Variants in DPF3 observed in about 807,000 individuals in gnomAD.
The protein encoded by DPF3 is double PHD fingers 3.
A neutral mutation model predicts 56.8 loss-of-function variants in DPF3; 18 were observed. That is an observed-to-expected ratio of 0.32 (90% confidence interval 0.22 to 0.47). DPF3 has a LOEUF of 0.47. Ranked by LOEUF, DPF3 falls within the 20% of genes least tolerant of loss-of-function variation. The pLI is 1.00. For missense variants in DPF3, 403 were observed against 488.8 expected, an observed-to-expected ratio of 0.82 and a Z score of 1.65; for synonymous variants, 188 against 180.2, an observed-to-expected ratio of 1.04 and a Z score of -0.35.
Position 72,609,599 on chromosome 14 carries a change from G to A in DPF3, c.*9698C>T, listed in dbSNP as rs1220737349. Among the ~76,000 whole-genome samples, 1 of 152,188 alleles carries A rather than the reference G, an allele frequency of 6.6e-6. No individual in the cohort carries two copies. Among genetic ancestry groups the A allele is most frequent in the African/African-American group, 2.4e-5 (1 of 41,434 alleles). ...TTCACGTTAGGAACCACGAAAGAGT[G>A]GGAACCTGACACACGTGGGAAGGGC... On this transcript the variant is annotated 3_prime_UTR_variant, in exon 11 of 11. Coordinates refer to ENST00000556509, the MANE Select transcript of DPF3 (RefSeq NM_001280542.3).
intron 5 of DPF3, among the ~76,000 whole-genome samples, chr14:72,718,771 A>ATCTTTTTTTTTTTTTTTT (rs1555499939): frequency 1.1e-5 from 1 of 93,896 alleles, no homozygotes; most frequent in African/African-American, 4.4e-5. Context: ...CACCCTTGCT[A>ATCTTTTTTTTTTTTTTTT]TTTTTTTTTT....
At position 72,619,217 on chromosome 14, in the gene DPF3, G is replaced by A; in HGVS notation, c.*80C>T. 7.2e-7 allele frequency: 1 copy of A among 1,386,728 alleles called. No individual in the cohort carries two copies. The highest frequency in any genetic ancestry group is 9.8e-7 in the Non-Finnish European group (1 of 1,020,870). The allele number at this position is 1,386,728 out of a possible 1,614,324, so 85.9% of individuals were successfully genotyped here. ...TTGCAGTTGGTCTGGCTGGATATGTGGGAGGAGGGCGCGTTCTGGTTTGAA... is the reference window on the plus strand; with the variant it reads ...TTGCAGTTGGTCTGGCTGGATATGTAGGAGGAGGGCGCGTTCTGGTTTGAA... On this transcript the variant is annotated 3_prime_UTR_variant, in exon 11 of 11. Transcript: ENST00000556509.
chr14:72,767,779 A>C, intron 2 of DPF3, among the ~76,000 whole-genome samples: 1 of 140,466 alleles, frequency 7.1e-6, no homozygotes, highest in East Asian at 2.0e-4. Flanking sequence ...AAAAAAAAAA[A>C]CCCCATAAAC....
At chr14:72,657,965 C>T (rs941637925) in intron 8 of DPF3, among the ~76,000 whole-genome samples, 1 of 152,108 alleles carries the variant, frequency 6.6e-6, no homozygotes, top group African/African-American at 2.4e-5. Context: ...CAAAAGAAAA[C>T]AAAACCAGAA....
intron 6 of DPF3, among the ~76,000 whole-genome samples, chr14:72,709,794 C>T (rs925030328): frequency 1.3e-5 from 2 of 151,994 alleles, no homozygotes; most frequent in African/African-American, 4.8e-5. Context: ...GTCAACTGTC[C>T]CTGCCTCTCC....
chr14:72,650,717 G>C (rs552791793), intron 8 of DPF3, among the ~76,000 whole-genome samples: 2 of 152,276 alleles, frequency 1.3e-5, no homozygotes, highest in South Asian at 4.2e-4. Context: ...GCCTCTTCAA[G>C]GTAAAAGGTG....
rs147735723 is a variant in DPF3 at position 72,661,171 on chromosome 14, G to A, written c.871+13069C>T. 1.2e-4 allele frequency: 115 copies of A among 985,350 alleles called. No homozygotes were observed. The African/African-American group carries it at 1.8e-3, about 15-fold the overall frequency. The allele number at this position is 985,350 out of a possible 1,614,324, so 61.0% of individuals were successfully genotyped here. The stretch of plus-strand genomic sequence containing the variant: ...ACTTGTGGGAGTTGGTTGGAAAGCA[G>A]ATTATTATGATAATTATTAGCATTT... On this transcript the variant is annotated intron_variant, in intron 8 of 10. Coordinates refer to ENST00000556509, the MANE Select transcript of DPF3 (RefSeq NM_001280542.3).
At chr14:72,659,608 C>T (rs1886148097) in intron 8 of DPF3, among the ~76,000 whole-genome samples, 1 of 152,310 alleles carries the variant, frequency 6.6e-6, no homozygotes, top group Admixed American at 6.5e-5. Context: ...GAAAGACACA[C>T]TCTAGGTAGA....
intron 8 of DPF3, chr14:72,661,305 C>G: frequency 3.0e-6 from 3 of 985,394 alleles, no homozygotes; most frequent in Non-Finnish European, 3.6e-6. Context: ...AACAGGAAAC[C>G]TGAAAGGACT....
intron 5 of DPF3, among the ~76,000 whole-genome samples, chr14:72,722,409 C>T (rs1889213640): frequency 6.6e-6 from 1 of 152,174 alleles, no homozygotes; most frequent in Non-Finnish European, 1.5e-5. Context: ...GTGCAGCGGC[C>T]GCCTGGGAAC....
chr14:72,866,265 C>T (rs1489513827), intron 1 of DPF3, among the ~76,000 whole-genome samples: 2 of 151,274 alleles, frequency 1.3e-5, no homozygotes, highest in Non-Finnish European at 3.0e-5. Context: ...CCACAGCCTC[C>T]ACGCACAAGC....
intron 3 of DPF3, among the ~76,000 whole-genome samples, chr14:72,747,128 C>A (rs1890358339): frequency 6.6e-6 from 1 of 152,224 alleles, no homozygotes; most frequent in Non-Finnish European, 1.5e-5. Context: ...TGGCTCTGTC[C>A]ACAGTCTGAT....
At chr14:72,764,911 A>G (rs187231210) in intron 2 of DPF3, among the ~76,000 whole-genome samples, 1 of 152,288 alleles carries the variant, frequency 6.6e-6, no homozygotes, top group East Asian at 1.9e-4. Context: ...TATGAAGTTG[A>G]GGCAGTGCTG....
At chr14:72,627,602 T>C (rs1884909734) in intron 9 of DPF3, among the ~76,000 whole-genome samples, 1 of 152,132 alleles carries the variant, frequency 6.6e-6, no homozygotes, top group Non-Finnish European at 1.5e-5. Context: ...CCATCACAGT[T>C]TGTTTATCAG....
chr14:72,844,899 C>T (rs778672322), intron 1 of DPF3, among the ~76,000 whole-genome samples: 15 of 152,094 alleles, frequency 9.9e-5, no homozygotes, highest in Admixed American at 2.6e-4. Flanking sequence ...CAAGGCCAGA[C>T]GATCACAACC....
intron 1 of DPF3, among the ~76,000 whole-genome samples, chr14:72,859,251 G>A (rs1412471341): frequency 6.6e-6 from 1 of 152,114 alleles, no homozygotes; most frequent in East Asian, 1.9e-4. Flanking sequence ...TAGGTGATGG[G>A]TATAAGAGTG....
chr14:72,790,376 G>T (rs924642781), intron 1 of DPF3, among the ~76,000 whole-genome samples: 1 of 152,172 alleles, frequency 6.6e-6, no homozygotes, highest in Non-Finnish European at 1.5e-5. Context: ...CTAGCATATA[G>T]TAGGCACTAT....
chr14:72,812,601 G>T (rs1019775426), intron 1 of DPF3, among the ~76,000 whole-genome samples: 1 of 152,164 alleles, frequency 6.6e-6, no homozygotes, highest in Admixed American at 6.5e-5. Context: ...CACTGCTGGC[G>T]GAGCGGAGAG....
At chr14:72,624,089 C>CT (rs1316553707) in intron 9 of DPF3, among the ~76,000 whole-genome samples, 1 of 151,952 alleles carries the variant, frequency 6.6e-6, no homozygotes, top group Admixed American at 6.6e-5. Flanking sequence ...TTTTTAAAAC[C>CT]TTAGTCACCT....
Sources: gnomAD v4.1 joint callset for allele counts (sites outside exome capture counted in the v4.1 genomes callset) on GRCh38, gnomAD v4.1.1 for gene constraint, MANE v1.5 for transcripts, NCBI Gene and HGNC (gene_info 2026-07-23, HGNC 2026-07-21) for gene names.